Variants in CAMTA1 observed in about 807,000 individuals in gnomAD.
The protein encoded by CAMTA1 is calmodulin-binding transcription activator 1.
CAMTA1 carries 27 observed loss-of-function variants against 170.9 expected under a neutral mutation model. The observed-to-expected ratio is 0.16, with a 90% CI of 0.12 to 0.22. The LOEUF (loss-of-function observed/expected upper bound fraction) is 0.22. Among genes scored for constraint, CAMTA1 ranks in the 10% least tolerant of loss-of-function variants. CAMTA1 has a pLI of 1.00. For missense variants in CAMTA1, 1,619 were observed against 2,217.2 expected (o/e 0.73, Z 5.42); for synonymous variants, 833 against 891.5 (o/e 0.93, Z 1.17).
At chr1:7,400,316 GTTTGGTTCTTTT>G (rs2089791093) in intron 5 of CAMTA1, among the ~76,000 whole-genome samples, 1 of 151,886 alleles carries the variant, frequency 6.6e-6, no homozygotes, top group South Asian at 2.1e-4. Flanking sequence ...GTAAGACTTT[GTTTGGTTCTTTT>G]TTTATATACA....
At chr1:6,800,845 A>G (rs574676551) in intron 1 of CAMTA1, among the ~76,000 whole-genome samples, 2 of 152,160 alleles carry the variant, frequency 1.3e-5, no homozygotes, top group African/African-American at 4.8e-5. Flanking sequence ...TATTTTTGGA[A>G]GTTTCTTTCA....
intron 5 of CAMTA1, among the ~76,000 whole-genome samples, chr1:7,391,476 C>A (rs1046158118): frequency 6.6e-6 from 1 of 152,046 alleles, no homozygotes; most frequent in African/African-American, 2.4e-5. Flanking sequence ...GGCTAAGGGG[C>A]GCTTGGTGTC....
intron 3 of CAMTA1, among the ~76,000 whole-genome samples, chr1:7,048,037 A>G (rs1705689934): frequency 6.6e-6 from 1 of 152,114 alleles, no homozygotes; most frequent in Non-Finnish European, 1.5e-5. Flanking sequence ...AGGCTGAGTC[A>G]TTCTGAGAGC....
At chr1:7,584,091 TTC>T (rs1474390130) in intron 6 of CAMTA1, among the ~76,000 whole-genome samples, 6 of 150,392 alleles carry the variant, frequency 4.0e-5, no homozygotes, top group African/African-American at 1.5e-4. Context: ...ATATAACACT[TTC>T]TTTCTTTGTG....
intron 3 of CAMTA1, among the ~76,000 whole-genome samples, chr1:7,079,798 A>C (rs897944033): frequency 5.3e-5 from 8 of 152,216 alleles, no homozygotes; most frequent in African/African-American, 1.9e-4. Context: ...CTCAGCTAGA[A>C]GAGGGGAAAA....
intron 17 of CAMTA1, among the ~76,000 whole-genome samples, 165 bp from the exon 18 acceptor site, chr1:7,745,680 G>A (rs1450257374): frequency 3.3e-5 from 5 of 152,108 alleles, no homozygotes; most frequent in South Asian, 4.1e-4. Flanking sequence ...TTACTCAATC[G>A]AAGGACACTG....
chr1:7,550,575 C>T (rs558286194), intron 6 of CAMTA1, among the ~76,000 whole-genome samples: 11 of 151,550 alleles, frequency 7.3e-5, no homozygotes, highest in Non-Finnish European at 1.3e-4. Context: ...TGGCCCTCTC[C>T]TACCTGACCC....
At chr1:7,350,570 T>C (rs1364689427) in intron 5 of CAMTA1, among the ~76,000 whole-genome samples, 2 of 152,238 alleles carry the variant, frequency 1.3e-5, no homozygotes, top group Non-Finnish European at 2.9e-5. Flanking sequence ...GCCACTTGTT[T>C]AGCCTGTTCC....
intron 5 of CAMTA1, among the ~76,000 whole-genome samples, chr1:7,291,652 C>T (rs1205314929): frequency 2.6e-5 from 4 of 152,360 alleles, no homozygotes; most frequent in East Asian, 3.9e-4. Flanking sequence ...ACTCACTGGG[C>T]TTTAAGCCTT....
chr1:7,371,402 G>A (rs574991634), intron 5 of CAMTA1, among the ~76,000 whole-genome samples: 23 of 152,154 alleles, frequency 1.5e-4, no homozygotes, highest in African/African-American at 4.3e-4. Flanking sequence ...GATTACAGGC[G>A]CCTGCCACCC....
intron 4 of CAMTA1, among the ~76,000 whole-genome samples, chr1:7,143,390 CCA>C (rs1645999639): frequency 6.6e-6 from 1 of 152,200 alleles, no homozygotes; most frequent in Non-Finnish European, 1.5e-5. Flanking sequence ...TTGGAATGTT[CCA>C]GAGTCAATGT....
chr1:7,552,835 G>A lies in CAMTA1; in HGVS notation c.510+84934G>A, dbSNP rs140648627. On this transcript the variant is annotated intron_variant, in intron 6 of 22. Transcript: ENST00000303635. Reference sequence around the variant, plus strand: ...GGCGTGCTCAGAGTTGACCTCCAGAGTCACAGTGAACCAGGAGGTTACAGT... The same window carrying A: ...GGCGTGCTCAGAGTTGACCTCCAGAATCACAGTGAACCAGGAGGTTACAGT... Among the ~76,000 whole-genome samples the A allele has an allele frequency of 6.8e-3, 1,034 of 152,334 alleles. 5 individuals are homozygous for A. Among genetic ancestry groups the A allele is most frequent in the Non-Finnish European group, 0.011 (721 of 68,032 alleles).
chr1:6,980,378 A>G (rs1694233170), intron 3 of CAMTA1, among the ~76,000 whole-genome samples: 2 of 152,144 alleles, frequency 1.3e-5, no homozygotes, highest in East Asian at 3.9e-4. Flanking sequence ...GATCCCCTTT[A>G]GGGACTCTGC....
intron 3 of CAMTA1, among the ~76,000 whole-genome samples, chr1:6,909,885 G>T (rs1327196814): frequency 1.3e-5 from 2 of 152,236 alleles, no homozygotes; most frequent in Middle Eastern, 3.2e-3. Context: ...GGCCCCTCTG[G>T]TGTTAAGCTG....
chr1:7,507,296 C>G (rs2094134512), intron 6 of CAMTA1, among the ~76,000 whole-genome samples: 1 of 152,192 alleles, frequency 6.6e-6, no homozygotes, highest in South Asian at 2.1e-4. Flanking sequence ...CGGCTGCACA[C>G]ACCCCTACCA....
intron 6 of CAMTA1, among the ~76,000 whole-genome samples, chr1:7,578,955 C>G (rs1322119294): frequency 6.6e-6 from 1 of 152,210 alleles, no homozygotes; most frequent in Non-Finnish European, 1.5e-5. Context: ...CAAAGGCATT[C>G]ATACCATCCC....
chr1:7,585,821 G>T lies in CAMTA1; in HGVS notation c.511-54579G>T, dbSNP rs1292594266. Among the ~76,000 whole-genome samples the T allele has an allele frequency of 6.6e-6, 1 of 151,746 alleles. No individual in the cohort carries two copies. The highest frequency in any genetic ancestry group is 1.5e-5 in the Non-Finnish European group (1 of 67,974). Reference sequence around the variant, plus strand: ...TCATCCACCTCCAGCTTCCTGCTGCGGGGCCTTAGTAGACTCAGCCCCCAC... The same window carrying T: ...TCATCCACCTCCAGCTTCCTGCTGCTGGGCCTTAGTAGACTCAGCCCCCAC... On this transcript the variant is annotated intron_variant, in intron 6 of 22. Coordinates refer to ENST00000303635, the MANE Select transcript of CAMTA1 (RefSeq NM_015215.4). The surrounding 1 kb of genome is among the most constrained non-coding windows in gnomAD (Gnocchi z 4.8).
chr1:7,714,205 AAG>A (rs1385677849), intron 11 of CAMTA1, among the ~76,000 whole-genome samples: 1 of 152,258 alleles, frequency 6.6e-6, no homozygotes, highest in Non-Finnish European at 1.5e-5. Flanking sequence ...TGACCTGCAG[AAG>A]AGAATGTTGA....
chr1:6,967,006 C>T (rs765960295), intron 3 of CAMTA1, among the ~76,000 whole-genome samples: 2 of 151,772 alleles, frequency 1.3e-5, no homozygotes, highest in Non-Finnish European at 2.9e-5. Flanking sequence ...CTTTGGGAGG[C>T]CGAGGTGGGT....
Sources: gnomAD v4.1 joint callset for allele counts (sites outside exome capture counted in the v4.1 genomes callset) on GRCh38, gnomAD v4.1.1 for gene constraint, Gnocchi (gnomAD v3.1) non-coding constraint, MANE v1.5 for transcripts, NCBI Gene and HGNC (gene_info 2026-07-23, HGNC 2026-07-21) for gene names.